The following KLHL15 variants were observed in gnomAD, a reference collection of about 807,000 sequenced individuals.
KLHL15 encodes the protein kelch-like protein 15.
KLHL15 carries 1 observed loss-of-function variant against 29.3 expected under a neutral mutation model. The observed-to-expected ratio is 0.03, with a 90% CI of 0.01 to 0.16. The LOEUF (loss-of-function observed/expected upper bound fraction) is 0.16, where lower values mean the gene tolerates loss of function less well. Among genes scored for constraint, KLHL15 ranks in the 10% least tolerant of loss-of-function variants. The pLI is 1.00. For synonymous variants in KLHL15, 212 were observed against 184.5 expected, an observed-to-expected ratio of 1.15 and a Z score of -1.21; for missense variants, 215 against 478.5, an observed-to-expected ratio of 0.45 and a Z score of 5.14.
At chrX:24,001,656 T>G (rs1929317991) in intron 3 of KLHL15, among the ~76,000 whole-genome samples, 1 of 105,197 alleles carries the variant, frequency 9.5e-6, no homozygotes. Context: ...ACACAAAAAT[T>G]AGCAGGGCGT....
intron 2 of KLHL15, among the ~76,000 whole-genome samples, chrX:24,010,497 T>C (rs1054413579): frequency 5.3e-5 from 6 of 112,505 alleles, no homozygotes; most frequent in Non-Finnish European, 1.1e-4. Context: ...CTATCAAAGA[T>C]GTTCCCAAAC....
Position 23,984,881 on chromosome X carries a change from CTCAG to C in KLHL15, c.*3036_*3039del, listed in dbSNP as rs952821241. ...TGCTTTAGAAAAGATAAGTGAAGGGCTCAGTCAGTATTTCACAAATTCTAGTAAC... is the reference window on the plus strand; with the variant it reads ...TGCTTTAGAAAAGATAAGTGAAGGGCTCAGTATTTCACAAATTCTAGTAAC... On this transcript the variant is annotated 3_prime_UTR_variant, in exon 4 of 4. Transcript: ENST00000328046. 13 of 112,193 alleles carry C rather than the reference CTCAG, an allele frequency of 1.2e-4. No individual in the cohort carries two copies. The highest frequency in any genetic ancestry group is 5.6e-5 in the Non-Finnish European group (3 of 53,241). The allele number at this position is 112,193 out of a possible 1,213,427, so 9.2% of individuals were successfully genotyped here.
At chrX:23,999,307 A>G (rs1263839791) in intron 3 of KLHL15, among the ~76,000 whole-genome samples, 1 of 109,741 alleles carries the variant, frequency 9.1e-6, no homozygotes, top group Non-Finnish European at 1.9e-5. Flanking sequence ...TTTAATTTAA[A>G]AAGAGAGGCC....
chrX:24,004,319 G>C (rs1389782754), intron 3 of KLHL15, among the ~76,000 whole-genome samples: 1 of 110,591 alleles, frequency 9.0e-6, no homozygotes, highest in East Asian at 2.8e-4. Flanking sequence ...TCGCAGCACT[G>C]CACTCCAGGG....
intron 3 of KLHL15, among the ~76,000 whole-genome samples, chrX:23,990,759 T>C (rs1202971737): frequency 9.0e-6 from 1 of 110,594 alleles, no homozygotes; most frequent in East Asian, 2.8e-4. Flanking sequence ...TATATATTTA[T>C]GAGCTTCCTC....
In KLHL15 at chrX:24,018,272, C is replaced by T. The variant is rs187867395; in HGVS notation, c.-8+6585G>A. On this transcript the variant is annotated intron_variant, in intron 2 of 3. Transcript: ENST00000328046. ...ACGAATCATTGTAAAACACAAAAAC[C>T]TTAAATAAGAACTCTTTAAATGAGT... 2.3e-3 allele frequency among the ~76,000 whole-genome samples: 261 copies of T among 111,900 alleles called. 5 individuals carry two copies. In the South Asian group the frequency reaches 0.068, roughly 29 times the overall value.
intron 3 of KLHL15, among the ~76,000 whole-genome samples, chrX:24,003,642 A>AAT (rs1325316183): frequency 5.2e-5 from 4 of 76,201 alleles, no homozygotes; most frequent in Admixed American, 3.9e-4. Flanking sequence ...ACCTAGCATA[A>AAT]ATATATGTGT....
At chrX:24,022,383 C>T (rs1929826980) in intron 2 of KLHL15, among the ~76,000 whole-genome samples, 1 of 81,073 alleles carries the variant, frequency 1.2e-5, no homozygotes, top group African/African-American at 6.0e-5. Context: ...TGGCTCCCGC[C>T]TGCGCTTTGG....
chrX:24,014,239 C>G, intron 2 of KLHL15, among the ~76,000 whole-genome samples: 1 of 111,641 alleles, frequency 9.0e-6, no homozygotes, highest in Non-Finnish European at 1.9e-5. Flanking sequence ...AAGACCCCAA[C>G]TCTGAAAGAA....
At position 24,002,254 on chromosome X, in the gene KLHL15, C is replaced by T. The variant is rs764170241; in HGVS notation, c.705+3735G>A. ...TCATTGTTTTTTAAAAATCAAAGAC[C>T]AAAGAAAGCAGTTGAAACTATTTAA... On this transcript the variant is annotated intron_variant, in intron 3 of 3. Coordinates refer to ENST00000328046, the MANE Select transcript of KLHL15 (RefSeq NM_030624.3). 3.6e-5 allele frequency among the ~76,000 whole-genome samples: 4 copies of T among 111,556 alleles called. No individual in the cohort carries two copies. In the South Asian group the frequency reaches 1.5e-3, roughly 41 times the overall value.
rs1183946148 is a variant in KLHL15, at chrX:24,026,459, T to A, written c.-210+681A>T. On this transcript the variant is annotated intron_variant, in intron 1 of 3. Transcript: ENST00000328046. ...TTATGGCATCTCTTTCTGGGAAAAGTGTAGATGACGGAAATACACAGTTGG... is the reference window on the plus strand; with the variant it reads ...TTATGGCATCTCTTTCTGGGAAAAGAGTAGATGACGGAAATACACAGTTGG... Among the ~76,000 whole-genome samples the A allele has an allele frequency of 5.4e-5, 6 of 111,676 alleles. No individual in the cohort carries two copies. The East Asian group carries it at 1.4e-3, about 26-fold the overall frequency.
intron 2 of KLHL15, among the ~76,000 whole-genome samples, chrX:24,012,183 G>T (rs1929588900): frequency 8.9e-6 from 1 of 112,494 alleles, no homozygotes; most frequent in Non-Finnish European, 1.9e-5. Flanking sequence ...AAATGGTAGA[G>T]TATCAGGTAG....
At position 24,006,477 on chromosome X, in the gene KLHL15, G is replaced by C. The variant is rs1929447820; in HGVS notation, c.217C>G (p.His73Asp). 8.3e-7 allele frequency: 1 copy of C among 1,211,213 alleles called. No individual in the cohort carries two copies. Among genetic ancestry groups the C allele is most frequent in the Middle Eastern group, 2.3e-4 (1 of 4,354 alleles). ...DMRERDQDKI[H>D]LKGLTATGFS... is the part of the protein sequence containing the mutation. ...CCGGTAGCTGTTAGACCTTTTAAATGAATTTTGTCCTGATCTCGTTCCCTC... is the reference window on the plus strand; with the variant it reads ...CCGGTAGCTGTTAGACCTTTTAAATCAATTTTGTCCTGATCTCGTTCCCTC... The change falls in exon 3 of 4, where the codon CAT becomes GAT. Residue 73 changes from histidine to aspartate, a missense_variant. Physicochemically the swap from His to Asp is moderately conservative, Grantham distance 81. Transcript: ENST00000328046.
intron 2 of KLHL15, among the ~76,000 whole-genome samples, chrX:24,021,694 G>A (rs1247669257): frequency 1.8e-5 from 2 of 111,388 alleles, no homozygotes; most frequent in Admixed American, 9.6e-5. Flanking sequence ...GCTCACAGAG[G>A]TTAAGTAACT....
chrX:24,010,736 G>T (rs1325661707), intron 2 of KLHL15, among the ~76,000 whole-genome samples: 1 of 111,258 alleles, frequency 9.0e-6, no homozygotes, highest in Admixed American at 9.6e-5. Flanking sequence ...TCCTTCCCCT[G>T]GTTAGGTATT....
chrX:24,005,866 CAT>C, intron 3 of KLHL15, 121 bp downstream of exon 3: 4 of 516,312 alleles, frequency 7.7e-6, no homozygotes, highest in Non-Finnish European at 1.3e-5. Flanking sequence ...TCTTGAATAA[CAT>C]AAGAAATAAC....
intron 2 of KLHL15, among the ~76,000 whole-genome samples, chrX:24,012,094 G>A (rs1170932136): frequency 8.9e-6 from 1 of 111,786 alleles, no homozygotes; most frequent in African/African-American, 3.2e-5. Flanking sequence ...GGTGGAGGTT[G>A]CAGTGAGCTG....
chrX:23,990,190 T>C (rs758368722), intron 3 of KLHL15, among the ~76,000 whole-genome samples: 2 of 111,149 alleles, frequency 1.8e-5, no homozygotes, highest in African/African-American at 6.5e-5. Flanking sequence ...TCCTAAGTGC[T>C]ATAGGGAGAA....
Position 24,006,822 on chromosome X carries a change from A to G in KLHL15, c.-7-122T>C, listed in dbSNP as rs774523760. On this transcript the variant is annotated intron_variant, in intron 2 of 3. Coordinates refer to ENST00000328046, the MANE Select transcript of KLHL15 (RefSeq NM_030624.3). ...TCTACTGACTAAGTCCAAAATGTACAAGTCCTTTGGGAGAAGACAATCTAA... is the reference window on the plus strand; with the variant it reads ...TCTACTGACTAAGTCCAAAATGTACGAGTCCTTTGGGAGAAGACAATCTAA... 3 of 519,543 alleles carry G rather than the reference A, an allele frequency of 5.8e-6. No homozygotes were observed. The African/African-American group carries it at 7.1e-5, about 12-fold the overall frequency. 42.8% of individuals were successfully genotyped at this position (519,543 alleles called of 1,213,427 possible).
Sources: allele counts gnomAD v4.1 joint callset (sites outside exome capture counted in the v4.1 genomes callset), GRCh38; gene constraint gnomAD v4.1.1; transcripts MANE v1.5; gene names NCBI Gene and HGNC (gene_info 2026-07-23, HGNC 2026-07-21).